DOCK5: variants seen among roughly 807,000 people sequenced by gnomAD.
DOCK5 encodes dedicator of cytokinesis 5.
A neutral mutation model predicts 251.8 loss-of-function variants in DOCK5; 142 were observed. The ratio of observed to expected loss-of-function variants is 0.56; its 90% CI spans 0.49 to 0.65. The LOEUF (loss-of-function observed/expected upper bound fraction) is 0.65. Among genes scored for constraint, DOCK5 ranks in the 30% least tolerant of loss-of-function variants. The pLI is 0.00. For missense variants in DOCK5, 2,111 were observed against 2,312.3 expected, an observed-to-expected ratio of 0.91 and a Z score of 1.79; for synonymous variants, 842 against 835.5, an observed-to-expected ratio of 1.01 and a Z score of -0.13.
intron 12 of DOCK5, 58 bp from the exon 13 acceptor site, chr8:25,310,349 C>T (rs944552689): frequency 9.9e-5 from 149 of 1,512,536 alleles, no homozygotes; most frequent in Non-Finnish European, 1.2e-4. Context: ...TCACCAGTTA[C>T]GCATGTGTTT....
chr8:25,327,418 C>T (rs1805587354), intron 18 of DOCK5, among the ~76,000 whole-genome samples: 1 of 152,000 alleles, frequency 6.6e-6, no homozygotes, highest in African/African-American at 2.4e-5. Context: ...ACTTATTGAA[C>T]ATCTAGTAGA....
intron 48 of DOCK5, among the ~76,000 whole-genome samples, chr8:25,405,941 G>C (rs780601122): frequency 3.3e-5 from 5 of 152,046 alleles, no homozygotes; most frequent in Non-Finnish European, 5.9e-5. Flanking sequence ...TATCAAAAAA[G>C]TATGTTTATT....
At chr8:25,249,434 A>G (rs1466902524) in intron 2 of DOCK5, among the ~76,000 whole-genome samples, 1 of 152,172 alleles carries the variant, frequency 6.6e-6, no homozygotes, top group Non-Finnish European at 1.5e-5. Flanking sequence ...TATCATCACT[A>G]TCTACTTTCA....
intron 11 of DOCK5, among the ~76,000 whole-genome samples, chr8:25,307,746 C>G (rs1439054034): frequency 6.6e-6 from 1 of 152,246 alleles, no homozygotes; most frequent in South Asian, 2.1e-4. Flanking sequence ...CCTTGAGTCC[C>G]TGACGAACCC....
chr8:25,308,994 G>A (rs1030628443), intron 12 of DOCK5, 69 bp downstream of exon 12: 15 of 1,555,036 alleles, frequency 9.6e-6, no homozygotes, highest in Admixed American at 1.8e-5. Flanking sequence ...TGGGTCCTTG[G>A]ACTCCTGCCC....
At chr8:25,372,817 C>A in intron 35 of DOCK5, 99 bp downstream of exon 35, 1 of 1,213,532 alleles carries the variant, frequency 8.2e-7, no homozygotes, top group Non-Finnish European at 1.1e-6. Flanking sequence ...CAGAGGCGCC[C>A]TGAGGCACCT....
chr8:25,276,332 C>T (rs903531585), intron 4 of DOCK5, among the ~76,000 whole-genome samples: 1 of 152,136 alleles, frequency 6.6e-6, no homozygotes, highest in Non-Finnish European at 1.5e-5. Context: ...AAGATAAGAT[C>T]TGCTATATTT....
intron 1 of DOCK5, among the ~76,000 whole-genome samples, chr8:25,231,098 T>A (rs919280274): frequency 3.4e-4 from 51 of 152,104 alleles, no homozygotes; most frequent in African/African-American, 1.2e-3. Context: ...TCCATACACA[T>A]ATGTATATGC....
chr8:25,240,988 A>G (rs951197218), intron 1 of DOCK5, among the ~76,000 whole-genome samples: 2 of 152,144 alleles, frequency 1.3e-5, no homozygotes, highest in Non-Finnish European at 2.9e-5. Context: ...CTCCATCTGC[A>G]TGTCGCCTTC....
chr8:25,301,009 G>A (rs997539782), intron 9 of DOCK5, among the ~76,000 whole-genome samples: 4 of 152,132 alleles, frequency 2.6e-5, no homozygotes, highest in Non-Finnish European at 5.9e-5. Flanking sequence ...AGACCAGTCT[G>A]TGCAACATGG....
intron 18 of DOCK5, among the ~76,000 whole-genome samples, chr8:25,328,415 G>C (rs1041195399): frequency 6.6e-6 from 1 of 151,978 alleles, no homozygotes; most frequent in African/African-American, 2.4e-5. Flanking sequence ...GGGAAAATGG[G>C]GTATTCCAGG....
chr8:25,271,816 A>G lies in DOCK5; in HGVS notation c.168+2931A>G, dbSNP rs61645334. 1.7e-3 allele frequency among the ~76,000 whole-genome samples: 261 copies of G among 152,272 alleles called. 1 individual carries two copies. Among genetic ancestry groups the G allele is most frequent in the African/African-American group, 6.0e-3 (251 of 41,550 alleles). ...GCTGTAAATCAGAAACACATGACCT[A>G]GGTTTACTCTGACTTTCTGTGTGTC... On this transcript the variant is annotated intron_variant, in intron 3 of 51. Coordinates refer to ENST00000276440, the MANE Select transcript of DOCK5 (RefSeq NM_024940.8).
At chr8:25,308,762 C>T in intron 11 of DOCK5, 21 bp from the exon 12 acceptor site, 2 of 1,612,430 alleles carry the variant, frequency 1.2e-6, no homozygotes, top group Admixed American at 3.3e-5. Context: ...CCCACCTTAC[C>T]TCTTATTTCT....
chr8:25,295,363 C>G (rs1319762393), intron 6 of DOCK5, among the ~76,000 whole-genome samples: 1 of 150,906 alleles, frequency 6.6e-6, no homozygotes, highest in Admixed American at 6.6e-5. Flanking sequence ...CTGCTTGAGC[C>G]CAGGAGTTTA....
intron 16 of DOCK5, among the ~76,000 whole-genome samples, chr8:25,323,108 G>A (rs1474322965): frequency 6.6e-6 from 1 of 152,210 alleles, no homozygotes; most frequent in Non-Finnish European, 1.5e-5. Flanking sequence ...AGCCACTGAA[G>A]CAGGGGACCC....
At chr8:25,404,199 C>T (rs925790647) in intron 48 of DOCK5, among the ~76,000 whole-genome samples, 7 of 152,196 alleles carry the variant, frequency 4.6e-5, no homozygotes, top group South Asian at 2.1e-4. Context: ...ACAAGCATTG[C>T]GTAATTATGT....
rs1203464307 is a variant in DOCK5 at position 25,354,035 on chromosome 8, AAAAAAAAAAAAAACAAAC to A, written c.2850+2221_2850+2238del. Reference sequence around the variant, plus strand: ...AGAGTGAGACTTTGTCTTAAAAAAAAAAAAAAAAAAAAACAAACAAAAAAAAAAACGTAGGAGAGAAAA... The same window carrying A: ...AGAGTGAGACTTTGTCTTAAAAAAAAAAAAAAAAAAACGTAGGAGAGAAAA... On this transcript the variant is annotated intron_variant, in intron 27 of 51. Coordinates refer to ENST00000276440, the MANE Select transcript of DOCK5 (RefSeq NM_024940.8). Among the ~76,000 whole-genome samples, 6 of 20,628 alleles carry A rather than the reference AAAAAAAAAAAAAACAAAC, an allele frequency of 2.9e-4. 1 individual carries two copies. Among genetic ancestry groups the A allele is most frequent in the South Asian group, 5.6e-3 (2 of 358 alleles). The allele number at this position is 20,628 out of a possible 152,430, so 13.5% of individuals were successfully genotyped here.
chr8:25,318,453 C>T (rs902899525), intron 14 of DOCK5, among the ~76,000 whole-genome samples: 2 of 150,398 alleles, frequency 1.3e-5, no homozygotes, highest in Admixed American at 6.7e-5. Flanking sequence ...TCTGTCTTTC[C>T]GCTCCCTTCC....
rs182887876 is a variant in DOCK5, at chr8:25,334,794, C to T, written c.2192+598C>T. Reference sequence around the variant, plus strand: ...AGAGGTTGAATGTCAGTGGGATTGGCGTGGGACATCAAGGAGATCAAACCA... The same window carrying T: ...AGAGGTTGAATGTCAGTGGGATTGGTGTGGGACATCAAGGAGATCAAACCA... On this transcript the variant is annotated intron_variant, in intron 21 of 51. Coordinates refer to ENST00000276440, the MANE Select transcript of DOCK5 (RefSeq NM_024940.8). Among the ~76,000 whole-genome samples the T allele has an allele frequency of 1.3e-4, 20 of 151,438 alleles. 1 individual carries two copies. The highest frequency in any genetic ancestry group is 6.3e-4 in the South Asian group (3 of 4,796).
Sources: gnomAD v4.1 joint callset for allele counts (sites outside exome capture counted in the v4.1 genomes callset) on GRCh38, gnomAD v4.1.1 for gene constraint, MANE v1.5 for transcripts, NCBI Gene and HGNC (gene_info 2026-07-23, HGNC 2026-07-21) for gene names.